TAF1: variants seen among roughly 807,000 people sequenced by gnomAD.
TAF1 encodes transcription initiation factor TFIID subunit 1.
Under a neutral mutation model 138.5 loss-of-function variants are expected in TAF1, and 2 were observed. That is an observed-to-expected ratio of 0.01 (90% CI 0.01 to 0.05). The LOEUF is 0.05. TAF1 is among the 10% of genes least tolerant of loss of function. The pLI, the probability that TAF1 is intolerant of heterozygous loss-of-function variation, is 1.00. For synonymous variants in TAF1, 437 were observed against 503.2 expected, an observed-to-expected ratio of 0.87 and a Z score of 1.76; for missense variants, 709 against 1,478.0, an observed-to-expected ratio of 0.48 and a Z score of 8.53.
chrX:71,487,816 G>C (rs941018835), intron 13 of TAF1, among the ~76,000 whole-genome samples: 1 of 111,126 alleles, frequency 9.0e-6, no homozygotes, highest in African/African-American at 3.3e-5. Context: ...AGTTCCTATT[G>C]ATTTTTCTCC....
At chrX:71,428,998 G>A (rs1459490240) in intron 32 of TAF1, among the ~76,000 whole-genome samples, 7 of 111,605 alleles carry the variant, frequency 6.3e-5, no homozygotes, top group Non-Finnish European at 1.3e-4. Context: ...CAGGGAGGCC[G>A]GGCGCGGTGG....
chrX:71,443,322 C>T (rs138020243), intron 32 of TAF1, among the ~76,000 whole-genome samples: 3,596 of 111,696 alleles, frequency 0.032, 63 homozygotes, highest in Middle Eastern at 0.088. Context: ...TTGTTTGTGT[C>T]CTCTTTTATT....
At position 71,460,505 on chromosome X, in the gene TAF1, G is replaced by T. The variant is rs749576376; in HGVS notation, c.5222-121G>T. ...TTATAAGAGGCATTTGAGGAGAGGC[G>T]TATAGGCAAGATACCTGTGTAGATG... On this transcript the variant is annotated intron_variant, in intron 36 of 37. Coordinates refer to ENST00000423759, the MANE Select transcript of TAF1 (RefSeq NM_004606.5). The T allele has an allele frequency of 6.2e-6, 5 of 803,984 alleles. No homozygotes were observed. The South Asian group carries it at 1.3e-4, about 21-fold the overall frequency. 66.3% of individuals were successfully genotyped at this position (803,984 alleles called of 1,213,427 possible).
chrX:71,455,072 A>G (rs1602736567), intron 34 of TAF1: 1 of 1,144,690 alleles, frequency 8.7e-7, no homozygotes, highest in East Asian at 3.3e-5. Flanking sequence ...TGTGGGATGA[A>G]TGAATGGGGT....
chrX:71,486,046 G>A (rs1220603001), intron 13 of TAF1, among the ~76,000 whole-genome samples: 7 of 109,226 alleles, frequency 6.4e-5, no homozygotes, highest in Non-Finnish European at 1.3e-4. Context: ...TGTAATCTCT[G>A]CTCACTGCAC....
At chrX:71,444,851 A>G (rs1387584068) in intron 32 of TAF1, among the ~76,000 whole-genome samples, 3 of 110,047 alleles carry the variant, frequency 2.7e-5, no homozygotes, top group Non-Finnish European at 5.7e-5. Flanking sequence ...CTCCTGCCTC[A>G]GCCTCCTGAG....
chrX:71,438,159 G>A (rs1314418952), intron 32 of TAF1, among the ~76,000 whole-genome samples: 1 of 111,032 alleles, frequency 9.0e-6, no homozygotes, highest in East Asian at 2.8e-4. Context: ...ATTTTTAAGT[G>A]TACAAATCAG....
chrX:71,384,414 C>CTT (rs778075717), intron 13 of TAF1, among the ~76,000 whole-genome samples: 4 of 99,821 alleles, frequency 4.0e-5, no homozygotes, highest in Non-Finnish European at 6.2e-5. Context: ...AAATCCAAAA[C>CTT]TTTTTTTTTT....
intron 4 of TAF1, 74 bp downstream of exon 4, chrX:71,375,360 A>G (rs1262203229): frequency 1.8e-6 from 2 of 1,128,563 alleles, no homozygotes; most frequent in East Asian, 6.3e-5. Flanking sequence ...GCACACACAT[A>G]AGGGACAAAC....
At chrX:71,434,248 G>A (rs1253942454) in intron 32 of TAF1, among the ~76,000 whole-genome samples, 1 of 111,698 alleles carries the variant, frequency 9.0e-6, no homozygotes, top group Non-Finnish European at 1.9e-5. Context: ...CTGTTGCTGA[G>A]CCTGTCTCAA....
chrX:71,389,476 A>C (rs374290444), intron 17 of TAF1, 109 bp from the exon 18 acceptor site: 10 of 586,164 alleles, frequency 1.7e-5, no homozygotes, highest in African/African-American at 4.6e-5. Flanking sequence ...TATGGAATCC[A>C]TCTATGCAAA....
rs145520819 is a variant in TAF1 at position 71,394,008 on chromosome X, C to A, written c.3228-59C>A. On this transcript the variant is annotated intron_variant, in intron 21 of 37. Coordinates refer to ENST00000423759, the MANE Select transcript of TAF1 (RefSeq NM_004606.5). Reference sequence around the variant, plus strand: ...TTAAGGTTGATTTCCCAATTTTTTACTTTTGCCTGCAACCATATTTCTTTA... The same window carrying A: ...TTAAGGTTGATTTCCCAATTTTTTAATTTTGCCTGCAACCATATTTCTTTA... 2.1e-4 allele frequency: 227 copies of A among 1,093,291 alleles called. 1 individual carries two copies. The East Asian group carries it at 6.4e-3, about 31-fold the overall frequency. The allele number at this position is 1,093,291 out of a possible 1,213,427, so 90.1% of individuals were successfully genotyped here. A position where few individuals can be genotyped will look rare whatever the true frequency, so the allele number is the denominator to read the frequency against.
At chrX:71,450,557 G>T (rs1289291048) in intron 32 of TAF1, among the ~76,000 whole-genome samples, 1 of 111,779 alleles carries the variant, frequency 8.9e-6, no homozygotes, top group East Asian at 2.8e-4. Flanking sequence ...TCAATTTAGG[G>T]ATCACCTCTT....
intron 13 of TAF1, among the ~76,000 whole-genome samples, chrX:71,476,089 C>A (rs1487450792): frequency 8.9e-6 from 1 of 111,796 alleles, no homozygotes; most frequent in Non-Finnish European, 1.9e-5. Flanking sequence ...AACCGTGAGC[C>A]AATTAAACCT....
At chrX:71,524,019 CTTTTTTTTTTTTT>C (rs397895424) in intron 13 of TAF1, among the ~76,000 whole-genome samples, 1 of 76,376 alleles carries the variant, frequency 1.3e-5, no homozygotes, top group African/African-American at 4.7e-5. Flanking sequence ...TGTAATAGTT[CTTTTTTTTTTTTT>C]TTTTTTTTTT....
chrX:71,467,284 G>T (rs1333512193), downstream of TAF1, among the ~76,000 whole-genome samples: 1 of 109,081 alleles, frequency 9.2e-6, no homozygotes, highest in Admixed American at 9.9e-5. Context: ...ATTAGGGAGT[G>T]GTGATGACTC....
chrX:71,429,109 A>G (rs2036745392), intron 32 of TAF1, among the ~76,000 whole-genome samples: 1 of 110,654 alleles, frequency 9.0e-6, no homozygotes, highest in Non-Finnish European at 1.9e-5. Context: ...CCCCGTCTCT[A>G]CTAAAAATAC....
intron 25 of TAF1, among the ~76,000 whole-genome samples, chrX:71,405,471 C>T (rs944671627): frequency 9.0e-6 from 1 of 111,614 alleles, no homozygotes; most frequent in African/African-American, 3.3e-5. Flanking sequence ...CTGCCTTAGC[C>T]TCCCAAGTAG....
intron 13 of TAF1, among the ~76,000 whole-genome samples, chrX:71,503,501 G>A (rs2039562801): frequency 9.2e-6 from 1 of 108,807 alleles, no homozygotes; most frequent in Admixed American, 1.0e-4. Context: ...CCATGAGGAA[G>A]CTCTATCCAG....
Sources: allele counts gnomAD v4.1 joint callset (sites outside exome capture counted in the v4.1 genomes callset), GRCh38; gene constraint gnomAD v4.1.1; transcripts MANE v1.5; gene names NCBI Gene and HGNC (gene_info 2026-07-23, HGNC 2026-07-21).